The following CCDC171 variants were observed in gnomAD, a reference collection of about 807,000 sequenced individuals.
The protein encoded by CCDC171 is coiled-coil domain-containing protein 171.
CCDC171 carries 177 observed loss-of-function variants against 168.2 expected under a neutral mutation model. The ratio of observed to expected loss-of-function variants is 1.05; its 90% CI spans 0.93 to 1.19. CCDC171 has a LOEUF of 1.19. CCDC171 is among the 50% of genes most tolerant of loss of function. CCDC171 has a pLI of 0.00. For missense variants in CCDC171, 1,991 were observed against 1,539.0 expected, an observed-to-expected ratio of 1.29 and a Z score of -4.91; for synonymous variants, 687 against 540.8, an observed-to-expected ratio of 1.27 and a Z score of -3.75.
intron 25 of CCDC171, among the ~76,000 whole-genome samples, chr9:15,938,920 T>A (rs1043475366): frequency 1.3e-5 from 2 of 151,922 alleles, no homozygotes; most frequent in East Asian, 1.9e-4. Context: ...GTATACACAA[T>A]AGATTTTATT....
Position 15,855,284 on chromosome 9 carries a change from C to T in CCDC171, c.3468+6337C>T, listed in dbSNP as rs535990852. 2.6e-5 allele frequency among the ~76,000 whole-genome samples: 4 copies of T among 151,828 alleles called. No individual in the cohort carries two copies. In the East Asian group the frequency reaches 7.7e-4, roughly 29 times the overall value. On this transcript the variant is annotated intron_variant, in intron 23 of 25. Coordinates refer to ENST00000380701, the MANE Select transcript of CCDC171 (RefSeq NM_173550.4). ...TTGTTATATCTTCTTGATGGATTGA[C>T]TCTTTTATCATTATATTATCTTTGT...
chr9:16,054,635 C>T (rs1461117991), intron 1 of CCDC171, among the ~76,000 whole-genome samples: 5 of 152,136 alleles, frequency 3.3e-5, no homozygotes, highest in Non-Finnish European at 5.9e-5. Context: ...TGGAAACTGC[C>T]GGCTTCAAGG....
At position 15,713,493 on chromosome 9, in the gene CCDC171, T is replaced by G. The variant is rs534375903; in HGVS notation, c.1319-8276T>G. 8.5e-4 allele frequency among the ~76,000 whole-genome samples: 129 copies of G among 152,244 alleles called. 1 individual carries two copies. The highest frequency in any genetic ancestry group is 2.8e-3 in the African/African-American group (116 of 41,544). The stretch of plus-strand genomic sequence containing the variant: ...ATGCCACTTTCATTTGATGATAGAG[T>G]GCTCTTGTGTATGCCAAAATTTATG... On this transcript the variant is annotated intron_variant, in intron 11 of 25. Coordinates refer to ENST00000380701, the MANE Select transcript of CCDC171 (RefSeq NM_173550.4).
intron 3 of CCDC171, among the ~76,000 whole-genome samples, chr9:15,573,888 C>G (rs1368209033): frequency 1.3e-5 from 2 of 151,820 alleles, no homozygotes; most frequent in African/African-American, 4.8e-5. Flanking sequence ...GAGTGAGACC[C>G]TGTATCTACA....
intron 6 of CCDC171, among the ~76,000 whole-genome samples, chr9:15,621,894 TG>T (rs571096317): frequency 3.1e-4 from 47 of 152,348 alleles, no homozygotes; most frequent in Non-Finnish European, 3.8e-4. Context: ...TGCTTATCAG[TG>T]TTAGACTAGA....
intron 18 of CCDC171, among the ~76,000 whole-genome samples, chr9:15,755,285 A>G (rs1160155739): frequency 6.6e-6 from 1 of 152,150 alleles, no homozygotes; most frequent in Non-Finnish European, 1.5e-5. Flanking sequence ...CAAGAAGGAA[A>G]AGGGAAGGGC....
At chr9:15,793,055 C>G (rs1411969127) in intron 21 of CCDC171, among the ~76,000 whole-genome samples, 1 of 152,184 alleles carries the variant, frequency 6.6e-6, no homozygotes, top group African/African-American at 2.4e-5. Flanking sequence ...GAAGACCCAT[C>G]AGTGTGCTGT....
intron 6 of CCDC171, among the ~76,000 whole-genome samples, chr9:15,602,117 T>C (rs1335204037): frequency 6.6e-6 from 1 of 152,234 alleles, no homozygotes; most frequent in Non-Finnish European, 1.5e-5. Context: ...AATTTGTAAC[T>C]GGAATGTTTA....
At position 15,690,775 on chromosome 9, in the gene CCDC171, T is replaced by C. The variant is rs1384308155; in HGVS notation, c.1216-4460T>C. Among the ~76,000 whole-genome samples, 6 of 152,278 alleles carry C rather than the reference T, an allele frequency of 3.9e-5. 1 individual carries two copies. Among genetic ancestry groups the C allele is most frequent in the Admixed American group, 3.9e-4 (6 of 15,300 alleles). On this transcript the variant is annotated intron_variant, in intron 10 of 25. Transcript: ENST00000380701. ...AAAAAGAGATTGCTTTTATAATTTA[T>C]GGAGCGCTTTTATAAACCACTAAGG...
intron 16 of CCDC171, among the ~76,000 whole-genome samples, chr9:15,741,490 G>C (rs1475869245): frequency 1.3e-5 from 2 of 152,092 alleles, no homozygotes; most frequent in East Asian, 1.9e-4. Context: ...ATAATATTCT[G>C]TTGTGTGGAT....
At chr9:15,811,005 T>C (rs563356532) in intron 21 of CCDC171, among the ~76,000 whole-genome samples, 19 of 152,368 alleles carry the variant, frequency 1.2e-4, no homozygotes, top group African/African-American at 4.3e-4. Context: ...GGCTAGTAAC[T>C]GTCATATCAG....
rs138837339 is a variant in CCDC171, at chr9:16,021,715, T to C, written n.575-617T>C. On this transcript the variant is annotated intron_variant and non_coding_transcript_variant, in intron 4 of 9. Coordinates refer to the CCDC171 transcript ENST00000486641. ...CCCAGAGTGGGTATTCAATAAATGA[T>C]AGCTGTTATGAAAAGTACTAATAAT... Among the ~76,000 whole-genome samples the C allele has an allele frequency of 3.0e-3, 451 of 152,346 alleles. 2 individuals are homozygous for C. Among genetic ancestry groups the C allele is most frequent in the Non-Finnish European group, 5.5e-3 (371 of 68,032 alleles).
At chr9:15,873,499 TATA>T (rs1817454342) in intron 23 of CCDC171, among the ~76,000 whole-genome samples, 1 of 152,072 alleles carries the variant, frequency 6.6e-6, no homozygotes, top group Admixed American at 6.6e-5. Context: ...GAGCTAATTG[TATA>T]ATATTTATTA....
chr9:15,918,439 A>G (rs1485297543), intron 24 of CCDC171, among the ~76,000 whole-genome samples: 3 of 151,348 alleles, frequency 2.0e-5, no homozygotes, highest in African/African-American at 7.3e-5. Context: ...AAAAAAAAAA[A>G]AAACCAGGAC....
At chr9:16,011,940 G>A (rs1589324171) in intron 3 of CCDC171, among the ~76,000 whole-genome samples, 1 of 152,172 alleles carries the variant, frequency 6.6e-6, no homozygotes, top group African/African-American at 2.4e-5. Flanking sequence ...GGACATCCTG[G>A]TGACTCAGAG....
chr9:15,726,901 G>C (rs1207548515), intron 14 of CCDC171, among the ~76,000 whole-genome samples: 1 of 151,986 alleles, frequency 6.6e-6, no homozygotes, highest in Non-Finnish European at 1.5e-5. Flanking sequence ...CCTTGTCTTA[G>C]AGTTCCATGC....
At chr9:15,763,478 C>T (rs1468807588) in intron 18 of CCDC171, among the ~76,000 whole-genome samples, 3 of 152,136 alleles carry the variant, frequency 2.0e-5, no homozygotes, top group Non-Finnish European at 2.9e-5. Context: ...CCAGAGTTAG[C>T]ATAAACTATC....
rs1418453675 is a variant in CCDC171 at position 15,778,983 on chromosome 9, T to C, written c.2914T>C (p.Leu972=). The change falls in exon 20 of 26, where the codon TTG becomes CTG. Residue 972 remains leucine (L), a synonymous_variant. Coordinates refer to ENST00000380701, the MANE Select transcript of CCDC171 (RefSeq NM_173550.4). ...TTAACAACAGAAAAGCACAGCATCG[T>C]TGCAGAAGCAAATACTTGGATTTAC... ...HVPITKSTAS[L]QKQILGFTQR... 2.6e-6 allele frequency: 4 copies of C among 1,533,960 alleles called. No homozygotes were observed. The highest frequency in any genetic ancestry group is 2.4e-5 in the East Asian group (1 of 42,196).
upstream of CCDC171, among the ~76,000 whole-genome samples, chr9:15,552,890 C>T (rs1251039450): frequency 6.6e-6 from 1 of 152,168 alleles, no homozygotes; most frequent in African/African-American, 2.4e-5. Flanking sequence ...GGCGCATGCG[C>T]CCGTTCGTCC....
Sources: allele counts gnomAD v4.1 joint callset (sites outside exome capture counted in the v4.1 genomes callset), GRCh38; gene constraint gnomAD v4.1.1; transcripts MANE v1.5; gene names NCBI Gene and HGNC (gene_info 2026-07-23, HGNC 2026-07-21).